TRIM5: variants seen among roughly 807,000 people sequenced by gnomAD.
TRIM5 encodes tripartite motif containing 5.
A neutral mutation model predicts 35.6 loss-of-function variants in TRIM5; 31 were observed. The observed-to-expected ratio is 0.87, with a 90% CI of 0.65 to 1.18. The LOEUF (loss-of-function observed/expected upper bound fraction) is 1.18, where lower values mean the gene tolerates loss of function less well. Ranked by LOEUF, TRIM5 falls within the 50% of genes most tolerant of loss-of-function variation. TRIM5 has a pLI of 0.00. For synonymous variants in TRIM5, 243 were observed against 215.6 expected (o/e 1.13, Z -1.11); for missense variants, 609 against 591.6 (o/e 1.03, Z -0.31).
the TRIM5 span, among the ~76,000 whole-genome samples, chr11:5,658,047 C>A: frequency 6.9e-3 from 1,055 of 152,242 alleles, 6 homozygotes; most frequent in African/African-American, 0.024. Flanking sequence ...ACTCCTGGGG[C>A]CTGGGCCCAC....
the TRIM5 span, chr11:5,642,328 G>A: frequency 1.5e-6 from 2 of 1,310,778 alleles, no homozygotes; most frequent in Non-Finnish European, 2.2e-6. Flanking sequence ...GTGATGTGAA[G>A]GAGATGAAAC....
intron 4 of TRIM5, among the ~76,000 whole-genome samples, chr11:5,676,198 G>C (rs906634392): frequency 6.6e-6 from 1 of 151,772 alleles, no homozygotes; most frequent in African/African-American, 2.4e-5. Context: ...ATGATTTATA[G>C]TCCTTTGGGT....
chr11:5,622,948 T>G, the TRIM5 span, among the ~76,000 whole-genome samples: 1 of 152,162 alleles, frequency 6.6e-6, no homozygotes, highest in Admixed American at 6.6e-5. Context: ...AATCAATATA[T>G]GTCCGCAAAG....
chr11:5,596,330 G>A, the TRIM5 span: 2 of 154,972 alleles, frequency 1.3e-5, no homozygotes. Flanking sequence ...CTCAAGTTTG[G>A]GAAGGGAGCA....
Position 5,665,414 on chromosome 11 carries a change from G to A in TRIM5, c.896-19C>T. 1.3e-6 allele frequency: 2 copies of A among 1,588,908 alleles called. No individual in the cohort carries two copies. Among genetic ancestry groups the A allele is most frequent in the Middle Eastern group, 1.7e-4 (1 of 5,914 alleles). On this transcript the variant is annotated intron_variant, in intron 7 of 7. Coordinates refer to ENST00000380034, the MANE Select transcript of TRIM5 (RefSeq NM_033034.3). Reference sequence around the variant, plus strand: ...ACATCAACTGTAGAAAAATTAACAGGTCAGCTAAGGGATATAATGTAACTT... The same window carrying A: ...ACATCAACTGTAGAAAAATTAACAGATCAGCTAAGGGATATAATGTAACTT...
At chr11:5,627,457 C>T in the TRIM5 span, among the ~76,000 whole-genome samples, 5 of 152,008 alleles carry the variant, frequency 3.3e-5, no homozygotes, top group African/African-American at 1.2e-4. Flanking sequence ...TGGTTTCTAC[C>T]AGAGTGGTGG....
chr11:5,641,079 C>A, the TRIM5 span: 2 of 1,459,028 alleles, frequency 1.4e-6, no homozygotes, highest in African/African-American at 1.4e-5. Flanking sequence ...CTGATTTTTC[C>A]ATTTTTTTTC....
At chr11:5,678,044 T>G in intron 4 of TRIM5, 160 bp downstream of exon 4, 1 of 614,582 alleles carries the variant, frequency 1.6e-6, no homozygotes, top group Middle Eastern at 4.5e-4. Context: ...TATCTCTTGC[T>G]ACTTCTACAT....
chr11:5,659,550 A>T (rs147795188), downstream of TRIM5, among the ~76,000 whole-genome samples: 1 of 152,230 alleles, frequency 6.6e-6, no homozygotes, highest in Non-Finnish European at 1.5e-5. Flanking sequence ...AAAGCACTGT[A>T]TATTCAAAGC....
At chr11:5,649,482 A>C in the TRIM5 span, among the ~76,000 whole-genome samples, 2 of 152,250 alleles carry the variant, frequency 1.3e-5, no homozygotes, top group Admixed American at 1.3e-4. Flanking sequence ...ACATTTTCTT[A>C]ACCTACATTG....
In TRIM5 at chr11:5,666,090, TAAAAAA is replaced by T; in HGVS notation, c.768-15_768-10del. The stretch of plus-strand genomic sequence containing the variant: ...AGGTCACGTTCTCCGTCCTAAGAAT[TAAAAAA>T]AAAAAAAAAAACTTCCAAACCTTTG... On this transcript the variant is annotated splice_polypyrimidine_tract_variant and intron_variant, in intron 5 of 7. Transcript: ENST00000380034. The T allele has an allele frequency of 7.2e-7, 1 of 1,381,968 alleles. No homozygotes were observed. Among genetic ancestry groups the T allele is most frequent in the Non-Finnish European group, 9.7e-7 (1 of 1,026,780 alleles). The allele number at this position is 1,381,968 out of a possible 1,614,324, so 85.6% of individuals were successfully genotyped here.
At chr11:5,588,953 T>G in the TRIM5 span, 2 of 151,958 alleles carry the variant, frequency 1.3e-5, no homozygotes, top group East Asian at 3.9e-4. Context: ...CTGGCTAATT[T>G]TTTTATATTT....
the TRIM5 span, among the ~76,000 whole-genome samples, chr11:5,633,173 A>G: frequency 7.1e-5 from 10 of 139,968 alleles, no homozygotes; most frequent in African/African-American, 2.4e-4. Flanking sequence ...TTTGTGAGCA[A>G]TAAAGCTTTT....
the TRIM5 span, among the ~76,000 whole-genome samples, chr11:5,622,490 C>T: frequency 2.9e-5 from 4 of 135,856 alleles, no homozygotes; most frequent in Admixed American, 7.8e-5. Context: ...GACGTGGTGG[C>T]GCATGCCTGT....
chr11:5,674,437 CCT>C (rs1317938556), intron 4 of TRIM5, among the ~76,000 whole-genome samples: 2 of 152,314 alleles, frequency 1.3e-5, no homozygotes, highest in East Asian at 3.9e-4. Context: ...CCATTTCACC[CCT>C]CTTACAACTC....
At chr11:5,622,450 A>AAG in the TRIM5 span, among the ~76,000 whole-genome samples, 18 of 149,072 alleles carry the variant, frequency 1.2e-4, no homozygotes, top group East Asian at 3.3e-3. Flanking sequence ...CTCTCAAAAA[A>AAG]AAAAAAAAGA....
chr11:5,611,419 G>A, the TRIM5 span: 1 of 1,182,954 alleles, frequency 8.5e-7, no homozygotes, highest in Non-Finnish European at 1.2e-6. Flanking sequence ...CTGATCTTCT[G>A]TTTTTCTGTG....
chr11:5,620,607 C>A, the TRIM5 span, among the ~76,000 whole-genome samples: 1 of 152,076 alleles, frequency 6.6e-6, no homozygotes, highest in Admixed American at 6.6e-5. Flanking sequence ...TGTAGTAATT[C>A]TCTTTCTTTG....
At chr11:5,666,662 G>C (rs965005608) in intron 5 of TRIM5, among the ~76,000 whole-genome samples, 1 of 152,168 alleles carries the variant, frequency 6.6e-6, no homozygotes, top group Non-Finnish European at 1.5e-5. Context: ...CAAACACTTG[G>C]CAAATGAGAA....
Sources: gnomAD v4.1 joint callset for allele counts (sites outside exome capture counted in the v4.1 genomes callset) on GRCh38, gnomAD v4.1.1 for gene constraint, MANE v1.5 for transcripts, NCBI Gene and HGNC (gene_info 2026-07-23, HGNC 2026-07-21) for gene names.